The following DLGAP2 variants were observed in gnomAD, a reference collection of about 807,000 sequenced individuals.
DLGAP2 encodes DLG associated protein 2.
In DLGAP2, 26 loss-of-function variants were observed where a neutral mutation model predicts 100.3. The ratio of observed to expected loss-of-function variants is 0.26; its 90% confidence interval spans 0.19 to 0.36. The LOEUF is 0.36. Among genes scored for constraint, DLGAP2 ranks in the 10% least tolerant of loss-of-function variants. The pLI is 1.00. For missense variants in DLGAP2, 1,858 were observed against 1,453.2 expected (o/e 1.28, Z -4.53); for synonymous variants, 886 against 630.1 (o/e 1.41, Z -6.08).
intron 1 of DLGAP2, among the ~76,000 whole-genome samples, chr8:813,019 A>G (rs1284185905): frequency 6.6e-6 from 1 of 152,234 alleles, no homozygotes; most frequent in African/African-American, 2.4e-5. Flanking sequence ...AAAACGTGAT[A>G]ATAGAACACA....
At chr8:1,354,535 G>C (rs890063639) in intron 3 of DLGAP2, among the ~76,000 whole-genome samples, 9 of 152,108 alleles carry the variant, frequency 5.9e-5, no homozygotes, top group Non-Finnish European at 1.0e-4. Flanking sequence ...AGAACGAAAA[G>C]AAAATACCTT....
intron 2 of DLGAP2, among the ~76,000 whole-genome samples, chr8:1,183,549 T>TG (rs1168531081): frequency 2.6e-5 from 4 of 152,182 alleles, no homozygotes; most frequent in Non-Finnish European, 5.9e-5. Flanking sequence ...GCCTATGAGG[T>TG]AGCTGCTGTT....
At chr8:1,043,202 T>A (rs1289292318) in intron 2 of DLGAP2, among the ~76,000 whole-genome samples, 6 of 76,944 alleles carry the variant, frequency 7.8e-5, no homozygotes, top group African/African-American at 3.0e-4. Context: ...TGGTGGTGGA[T>A]GCGGGTGGTG....
In DLGAP2 at chr8:1,565,669, C is replaced by G. The variant is rs780692996; in HGVS notation, c.1231-14C>G. ...GACAAAGTTGATGCGTGTTTCATGT[C>G]TGTCTGCTCCCAGGTACCTCAGGAT... On this transcript the variant is annotated splice_polypyrimidine_tract_variant and intron_variant, in intron 5 of 14. Transcript: ENST00000637795. 1.7e-5 allele frequency: 27 copies of G among 1,602,634 alleles called. No homozygotes were observed. Among genetic ancestry groups the G allele is most frequent in the Non-Finnish European group, 2.2e-5 (26 of 1,173,006 alleles).
chr8:1,538,761 C>G (rs1801244541), intron 4 of DLGAP2, among the ~76,000 whole-genome samples: 1 of 152,172 alleles, frequency 6.6e-6, no homozygotes, highest in African/African-American at 2.4e-5. Context: ...CGCAGCGTGG[C>G]CACAGCCACT....
At chr8:994,824 C>T (rs1364408019) in intron 2 of DLGAP2, among the ~76,000 whole-genome samples, 4 of 152,072 alleles carry the variant, frequency 2.6e-5, no homozygotes, top group East Asian at 1.9e-4. Flanking sequence ...TCACAGCAGA[C>T]GAAGAGTCAT....
At chr8:1,699,719 A>G (rs1353498267) in intron 14 of DLGAP2, among the ~76,000 whole-genome samples, 1 of 152,208 alleles carries the variant, frequency 6.6e-6, no homozygotes, top group African/African-American at 2.4e-5. Context: ...GTGCCTGAAC[A>G]GGAGGCCCTG....
At chr8:1,049,974 C>G (rs1348845435) in intron 2 of DLGAP2, among the ~76,000 whole-genome samples, 1 of 151,990 alleles carries the variant, frequency 6.6e-6, no homozygotes, top group Non-Finnish European at 1.5e-5. Flanking sequence ...ACACATGTGC[C>G]TACGTGTATG....
intron 3 of DLGAP2, among the ~76,000 whole-genome samples, chr8:1,413,947 G>A (rs1258261257): frequency 1.3e-5 from 2 of 152,146 alleles, no homozygotes; most frequent in Admixed American, 6.5e-5. Context: ...CTCATCGTAA[G>A]CTGTTCACTG....
chr8:1,583,804 C>T (rs1278742380), intron 6 of DLGAP2, among the ~76,000 whole-genome samples: 14 of 152,088 alleles, frequency 9.2e-5, no homozygotes, highest in South Asian at 4.2e-4. Context: ...ACCCTCCACG[C>T]GCTGGTTGCA....
At chr8:899,112 G>A (rs1263975944) in intron 1 of DLGAP2, among the ~76,000 whole-genome samples, 3 of 152,174 alleles carry the variant, frequency 2.0e-5, no homozygotes, top group East Asian at 1.9e-4. Context: ...GAGATCCAGC[G>A]GAACAGCAGC....
intron 6 of DLGAP2, among the ~76,000 whole-genome samples, chr8:1,623,696 A>G (rs534015854): frequency 1.3e-4 from 20 of 152,302 alleles, no homozygotes; most frequent in Admixed American, 4.6e-4. Context: ...ACCAGTGCAC[A>G]ATGACCTTGC....
rs968087616 is a variant in DLGAP2 at position 844,879 on chromosome 8, G to C, written c.19-63033G>C. 2.3e-4 allele frequency among the ~76,000 whole-genome samples: 35 copies of C among 152,072 alleles called. 1 individual carries two copies. The highest frequency in any genetic ancestry group is 2.9e-5 in the Non-Finnish European group (2 of 68,026). ...GCCTGGCCACCACAAATCCACTTCT[G>C]TCTCGGTTGATTACCATGCTCTGGA... On this transcript the variant is annotated intron_variant, in intron 1 of 14. Coordinates refer to ENST00000637795, the MANE Select transcript of DLGAP2 (RefSeq NM_001346810.2).
At chr8:1,516,825 C>A (rs1800410036) in intron 4 of DLGAP2, among the ~76,000 whole-genome samples, 1 of 152,232 alleles carries the variant, frequency 6.6e-6, no homozygotes, top group African/African-American at 2.4e-5. Flanking sequence ...AAGGCACAAT[C>A]AGGCTTGTGC....
chr8:1,492,713 C>G (rs1799425185), intron 3 of DLGAP2, among the ~76,000 whole-genome samples: 1 of 152,228 alleles, frequency 6.6e-6, no homozygotes, highest in South Asian at 2.1e-4. Context: ...GCCTCCCTGA[C>G]TTCCAACCAG....
intron 6 of DLGAP2, among the ~76,000 whole-genome samples, chr8:1,624,621 G>A (rs767574838): frequency 1.1e-4 from 17 of 151,872 alleles, no homozygotes; most frequent in Non-Finnish European, 2.1e-4. Context: ...TCAGGGATCC[G>A]TGTTAGCTCG....
At chr8:1,528,431 C>G (rs932671948) in intron 4 of DLGAP2, among the ~76,000 whole-genome samples, 3 of 152,224 alleles carry the variant, frequency 2.0e-5, no homozygotes, top group Non-Finnish European at 4.4e-5. Context: ...AACTCCTAAG[C>G]CCAGAGCACT....
At chr8:1,468,936 A>T (rs1369742588) in intron 3 of DLGAP2, among the ~76,000 whole-genome samples, 1 of 152,154 alleles carries the variant, frequency 6.6e-6, no homozygotes, top group Admixed American at 6.5e-5. Flanking sequence ...CCTTAGAAAG[A>T]CATCGTCCTG....
chr8:1,252,056 T>C (rs73531988), intron 2 of DLGAP2, among the ~76,000 whole-genome samples: 7,442 of 144,722 alleles, frequency 0.051, 678 homozygotes, highest in African/African-American at 0.2. Flanking sequence ...ATGTCACACT[T>C]GTCACACTGT....
Sources: gnomAD v4.1 joint callset for allele counts (sites outside exome capture counted in the v4.1 genomes callset) on GRCh38, gnomAD v4.1.1 for gene constraint, MANE v1.5 for transcripts, NCBI Gene and HGNC (gene_info 2026-07-23, HGNC 2026-07-21) for gene names.